Variants in PARVG observed in about 807,000 individuals in gnomAD.
The protein encoded by PARVG is parvin gamma.
In PARVG, 36 loss-of-function variants were observed where a neutral mutation model predicts 44.4. The ratio of observed to expected loss-of-function variants is 0.81; its 90% CI spans 0.62 to 1.07. The LOEUF is 1.07. Among genes scored for constraint, PARVG ranks in the 50% least tolerant of loss-of-function variants. PARVG has a pLI of 0.00. For synonymous variants in PARVG, 170 were observed against 174.1 expected (o/e 0.98, Z 0.19); for missense variants, 407 against 407.4 (o/e 1.00, Z 0.01).
intron 3 of PARVG, chr22:44,185,406 T>C (rs117704411): frequency 0.018 from 2,936 of 167,302 alleles, 40 homozygotes; most frequent in Non-Finnish European, 0.027. Context: ...GGAGTCTGAC[T>C]ACGAGAGGGG....
chr22:44,188,951 C>CATTAAAAAAAAA, intron 5 of PARVG, 163 bp from the exon 6 acceptor site: 3 of 849,466 alleles, frequency 3.5e-6, no homozygotes, highest in African/African-American at 3.4e-5. Context: ...GAGGGCATAC[C>CATTAAAAAAAAA]CGATTGAGGC....
In PARVG at chr22:44,206,433, C is replaced by T. The variant is rs200144612; in HGVS notation, c.*7C>T. ...CCATGGAGCCCCGAATTGACCCTCA[C>T]TGCCTCCAAAGCCCAGAGCCTGCCT... On this transcript the variant is annotated 3_prime_UTR_variant, in exon 14 of 14. Coordinates refer to ENST00000444313, the MANE Select transcript of PARVG (RefSeq NM_022141.7). The T allele has an allele frequency of 1.2e-6, 2 of 1,613,352 alleles. No homozygotes were observed. The highest frequency in any genetic ancestry group is 4.5e-5 in the East Asian group (2 of 44,866).
At position 44,198,677 on chromosome 22, in the gene PARVG, G is replaced by T. The variant is rs775982281; in HGVS notation, c.768G>T (p.Leu256=). Residue 256 remains leucine, a synonymous_variant, in exon 12 of 14, where the codon CTG becomes CTT. Transcript: ENST00000444313. ...TTGGACAACTTGAAGGCTTCTTCCT[G>T]CACTTAAAGGAATTCTACCTCACTC... The part of the protein sequence containing the change: ...LLIGQLEGFF[L]HLKEFYLTPN... 9.9e-6 allele frequency: 16 copies of T among 1,613,772 alleles called. 1 individual carries two copies. In the South Asian group the frequency reaches 1.8e-4, roughly 18 times the overall value.
upstream of PARVG, among the ~76,000 whole-genome samples, chr22:44,179,552 A>G (rs764966369): frequency 2.6e-5 from 4 of 152,312 alleles, no homozygotes; most frequent in Middle Eastern, 3.4e-3. The surrounding 1 kb of genome is among the most constrained non-coding windows in gnomAD (Gnocchi z 4.2). Flanking sequence ...AACTCTGCCA[A>G]AGCCACAATT....
Position 44,193,311 on chromosome 22 carries a change from A to T in PARVG, c.561-490A>T, listed in dbSNP as rs1035386897. Among the ~76,000 whole-genome samples, 15 of 152,358 alleles carry T rather than the reference A, an allele frequency of 9.8e-5. 2 individuals are homozygous for T. The highest frequency in any genetic ancestry group is 3.9e-4 in the Admixed American group (6 of 15,308). On this transcript the variant is annotated intron_variant, in intron 8 of 13. Transcript: ENST00000444313. ...AAAAGAGGACACGCAGTATGGTTTCATTTCCATGAACTTCCAGGACAGGCA... is the reference window on the plus strand; with the variant it reads ...AAAAGAGGACACGCAGTATGGTTTCTTTTCCATGAACTTCCAGGACAGGCA...
intron 12 of PARVG, among the ~76,000 whole-genome samples, chr22:44,203,736 G>A (rs1161945980): frequency 6.6e-6 from 1 of 152,260 alleles, no homozygotes; most frequent in Non-Finnish European, 1.5e-5. Flanking sequence ...GGGACACAGT[G>A]ATGGGAACTT....
At position 44,187,870 on chromosome 22, in the gene PARVG, A is replaced by C; in HGVS notation, c.239A>C (p.His80Pro). Residue 80 changes from histidine to proline, a missense_variant, in exon 5 of 14, where the codon CAC (histidine) becomes CCC (proline). Physicochemically the swap from His to Pro is moderately conservative, Grantham distance 77. Transcript: ENST00000444313. ...ATGTTCGACGGGCTCATCCTACACC[A>C]CCTATTCCGTAAGTGGCTGTTTCTG... ...EDMFDGLILH[H>P]LFQRLAALKL... The C allele has an allele frequency of 6.2e-7, 1 of 1,614,098 alleles. No individual in the cohort carries two copies. Among genetic ancestry groups the C allele is most frequent in the Non-Finnish European group, 8.5e-7 (1 of 1,180,024 alleles).
At chr22:44,190,939 G>A (rs954234034) in intron 7 of PARVG, among the ~76,000 whole-genome samples, 2 of 152,226 alleles carry the variant, frequency 1.3e-5, no homozygotes, top group African/African-American at 2.4e-5. Flanking sequence ...AGGGCATCTG[G>A]CTGGCAGAGG....
At chr22:44,176,541 A>G (rs943725090), upstream of PARVG, among the ~76,000 whole-genome samples, 4 of 152,122 alleles carry the variant, frequency 2.6e-5, no homozygotes, top group Non-Finnish European at 2.9e-5. Flanking sequence ...CACATTTTGG[A>G]TACTTCAAGC....
At chr22:44,189,328 C>T in intron 6 of PARVG, 74 bp downstream of exon 6, 1 of 1,563,172 alleles carries the variant, frequency 6.4e-7, no homozygotes, top group East Asian at 2.4e-5. Flanking sequence ...GGCTTCTCAC[C>T]CACCAGGAAG....
At chr22:44,206,155 G>T (rs775596412) in intron 13 of PARVG, among the ~76,000 whole-genome samples, 162 bp from the exon 14 acceptor site, 1 of 152,112 alleles carries the variant, frequency 6.6e-6, no homozygotes, top group Non-Finnish European at 1.5e-5. Flanking sequence ...TCACGCAGCA[G>T]GCGCGGGACC....
intron 4 of PARVG, chr22:44,187,456 C>T (rs531167081): frequency 2.1e-4 from 86 of 411,362 alleles, no homozygotes; most frequent in African/African-American, 1.6e-3. Flanking sequence ...CCAATTCTTT[C>T]CATTCCCCAA....
chr22:44,188,945 G>T, intron 5 of PARVG, 169 bp from the exon 6 acceptor site: 1 of 719,036 alleles, frequency 1.4e-6, no homozygotes. Context: ...AAGCTGGAGG[G>T]CATACCCGAT....
intron 1 of PARVG, among the ~76,000 whole-genome samples, chr22:44,173,525 A>G (rs1042201145): frequency 6.7e-6 from 1 of 149,058 alleles, no homozygotes; most frequent in Admixed American, 6.7e-5. Context: ...CTGGAGAGAA[A>G]GGCAACCACG....
At chr22:44,189,325 C>T (rs984854724) in intron 6 of PARVG, 71 bp downstream of exon 6, 14 of 1,568,970 alleles carry the variant, frequency 8.9e-6, no homozygotes, top group Middle Eastern at 4.3e-4. Flanking sequence ...TCAGGCTTCT[C>T]ACCCACCAGG....
intron 5 of PARVG, chr22:44,188,088 G>A: frequency 3.3e-6 from 2 of 601,648 alleles, no homozygotes; most frequent in East Asian, 5.6e-5. Flanking sequence ...GGCTCAGGGT[G>A]GGGCTCTGAC....
chr22:44,196,607 G>GGC (rs895032808), intron 11 of PARVG, among the ~76,000 whole-genome samples, 192 bp downstream of exon 11: 13 of 32,396 alleles, frequency 4.0e-4, no homozygotes, highest in Middle Eastern at 0.02. Context: ...GTGGGATCCC[G>GGC]GGGGTGGAGG....
chr22:44,190,996 G>A (rs1056169670), intron 7 of PARVG, among the ~76,000 whole-genome samples: 4 of 152,190 alleles, frequency 2.6e-5, no homozygotes, highest in African/African-American at 7.2e-5. Context: ...ATGCGTGGCC[G>A]TCCGTTCATT....
chr22:44,202,327 G>C (rs1416751623), intron 12 of PARVG, among the ~76,000 whole-genome samples: 2 of 152,236 alleles, frequency 1.3e-5, no homozygotes, highest in South Asian at 2.1e-4. Flanking sequence ...GGTGAGGAGA[G>C]AAGGCGGAGG....
Sources: allele counts gnomAD v4.1 joint callset (sites outside exome capture counted in the v4.1 genomes callset), GRCh38; gene constraint gnomAD v4.1.1; non-coding constraint Gnocchi (gnomAD v3.1); transcripts MANE v1.5; gene names NCBI Gene and HGNC (gene_info 2026-07-23, HGNC 2026-07-21).